ACSM3: variants seen among roughly 807,000 people sequenced by gnomAD.
ACSM3 encodes acyl-coenzyme A synthetase ACSM3, mitochondrial.
In ACSM3, 61 loss-of-function variants were observed where a neutral mutation model predicts 74.1. The observed-to-expected ratio is 0.82, with a 90% CI of 0.67 to 1.02. The LOEUF (loss-of-function observed/expected upper bound fraction) is 1.02, where lower values mean the gene tolerates loss of function less well. ACSM3 is among the 50% of genes least tolerant of loss of function. The pLI is 0.00. For missense variants in ACSM3, 660 were observed against 697.0 expected, an observed-to-expected ratio of 0.95 and a Z score of 0.60; for synonymous variants, 213 against 241.5, an observed-to-expected ratio of 0.88 and a Z score of 1.09.
chr16:20,738,139 T>G (rs9788809), intron 1 of ACSM3: 2 of 702,102 alleles, frequency 2.8e-6, no homozygotes, highest in East Asian at 5.5e-5. Context: ...CGTACTATAA[T>G]GTATCTAATA....
At chr16:20,749,298 T>C (rs1385594785) in intron 1 of ACSM3, 1 of 152,208 alleles carries the variant, frequency 6.6e-6, no homozygotes, top group Non-Finnish European at 1.5e-5. Context: ...ACTAAACCTC[T>C]GATTTTTGCA....
chr16:20,792,619 C>T (rs2080627865), intron 12 of ACSM3: 1 of 985,350 alleles, frequency 1.0e-6, no homozygotes, highest in South Asian at 4.7e-5. Context: ...ATGCCAGTAA[C>T]CCAGGCTCAC....
At chr16:20,688,479 C>A (rs969183014) in intron 1 of ACSM3, among the ~76,000 whole-genome samples, 1 of 151,964 alleles carries the variant, frequency 6.6e-6, no homozygotes, top group Admixed American at 6.6e-5. Flanking sequence ...TAGAATAAAT[C>A]CAAGGAGGAC....
At chr16:20,717,953 A>AGAGGAAGAG (rs2079769213) in intron 1 of ACSM3, among the ~76,000 whole-genome samples, 2 of 103,214 alleles carry the variant, frequency 1.9e-5, no homozygotes, top group African/African-American at 3.7e-5. Context: ...AGGAAGAGGA[A>AGAGGAAGAG]GAGGAAGAAG....
At chr16:20,701,788 C>G (rs1829281708) in intron 1 of ACSM3, among the ~76,000 whole-genome samples, 2 of 152,160 alleles carry the variant, frequency 1.3e-5, no homozygotes, top group African/African-American at 2.4e-5. Context: ...TGAGAACATG[C>G]AGTGTTTGGT....
intron 1 of ACSM3, among the ~76,000 whole-genome samples, chr16:20,749,020 A>AAT (rs2079970227): frequency 2.0e-5 from 3 of 152,140 alleles, no homozygotes; most frequent in Admixed American, 6.5e-5. Context: ...TCTATGAGCC[A>AAT]TTGCACTCTA....
At chr16:20,690,226 C>T (rs1048678970) in intron 1 of ACSM3, among the ~76,000 whole-genome samples, 7 of 152,186 alleles carry the variant, frequency 4.6e-5, no homozygotes, top group Non-Finnish European at 8.8e-5. Context: ...CAGGGGGATT[C>T]TCTCTTCTGT....
At chr16:20,745,140 T>C (rs763842731) in intron 1 of ACSM3, among the ~76,000 whole-genome samples, 8 of 152,218 alleles carry the variant, frequency 5.3e-5, no homozygotes, top group Non-Finnish European at 8.8e-5. Context: ...ATTATTCTTC[T>C]TTGTTCTTTT....
At chr16:20,782,601 T>C (rs2080377046) in intron 7 of ACSM3, among the ~76,000 whole-genome samples, 2 of 152,210 alleles carry the variant, frequency 1.3e-5, no homozygotes, top group Admixed American at 1.3e-4. Flanking sequence ...AGTCTGACAT[T>C]ATCTCCGTGG....
intron 2 of ACSM3, among the ~76,000 whole-genome samples, chr16:20,751,083 C>T (rs1303905980): frequency 1.3e-5 from 2 of 152,092 alleles, no homozygotes; most frequent in African/African-American, 4.8e-5. Flanking sequence ...GCCTCAGTCT[C>T]CCAAAGTGCT....
chr16:20,695,246 A>G (rs2079683090), intron 1 of ACSM3, among the ~76,000 whole-genome samples: 1 of 152,152 alleles, frequency 6.6e-6, no homozygotes, highest in Non-Finnish European at 1.5e-5. Context: ...TCCCACCCAC[A>G]TAACTTGGGG....
chr16:20,746,661 ACT>A (rs1160207712), intron 1 of ACSM3, among the ~76,000 whole-genome samples: 1 of 152,154 alleles, frequency 6.6e-6, no homozygotes, highest in African/African-American at 2.4e-5. Context: ...TGTGTGAGAA[ACT>A]CACCCAACAG....
intron 1 of ACSM3, chr16:20,741,476 A>AGCCG (rs2079921488): frequency 3.6e-6 from 5 of 1,388,840 alleles, no homozygotes; most frequent in Non-Finnish European, 4.8e-6. Flanking sequence ...AAGGCCTGGC[A>AGCCG]GCCGGCCCGC....
At chr16:20,779,047 G>A (rs1000342212) in intron 4 of ACSM3, among the ~76,000 whole-genome samples, 8 of 152,032 alleles carry the variant, frequency 5.3e-5, no homozygotes, top group African/African-American at 9.7e-5. Context: ...CACTGCGCCC[G>A]GCCTATAGAT....
chr16:20,790,479 G>GTT lies in ACSM3; in HGVS notation c.1225-107_1225-106insTT. ...CTCACACACACAAAATTTTTTTTAA[G>GTT]TCTTCATTTTTAAATGGCAAAAGCC... On this transcript the variant is annotated intron_variant, in intron 9 of 13. Transcript: ENST00000289416. This position sits in a 1 kb window ranked among gnomAD's most constrained non-coding sequence, Gnocchi z 4.0. 1 of 1,121,472 alleles carries GTT rather than the reference G, an allele frequency of 8.9e-7. No homozygotes were observed. Among genetic ancestry groups the GTT allele is most frequent in the Non-Finnish European group, 1.3e-6 (1 of 781,416 alleles). 69.5% of individuals were successfully genotyped at this position (1,121,472 alleles called of 1,614,324 possible). A position where few individuals can be genotyped will look rare whatever the true frequency, so the allele number is the denominator to read the frequency against.
chr16:20,744,905 T>C (rs945956036), intron 1 of ACSM3, among the ~76,000 whole-genome samples: 15 of 152,264 alleles, frequency 9.9e-5, no homozygotes, highest in African/African-American at 3.6e-4. Flanking sequence ...AAATTTAATT[T>C]GTCTAAAGTT....
At chr16:20,786,987 C>A (rs2080488208) in intron 9 of ACSM3, among the ~76,000 whole-genome samples, 1 of 152,206 alleles carries the variant, frequency 6.6e-6, no homozygotes. Context: ...TGCTCCCAAG[C>A]CTGCCTGGCC....
chr16:20,737,728 T>A (rs746253498), intron 1 of ACSM3: 2 of 1,611,244 alleles, frequency 1.2e-6, no homozygotes, highest in African/African-American at 1.3e-5. Context: ...TCTGATAACT[T>A]CTTCTCTATT....
intron 1 of ACSM3, among the ~76,000 whole-genome samples, chr16:20,747,235 CA>C (rs1232483943): frequency 6.6e-6 from 1 of 152,140 alleles, no homozygotes; most frequent in African/African-American, 2.4e-5. Flanking sequence ...ATGAGAAAAA[CA>C]AGTTTTTCTT....
Sources: allele counts gnomAD v4.1 joint callset (sites outside exome capture counted in the v4.1 genomes callset), GRCh38; gene constraint gnomAD v4.1.1; non-coding constraint Gnocchi (gnomAD v3.1); transcripts MANE v1.5; gene names NCBI Gene and HGNC (gene_info 2026-07-23, HGNC 2026-07-21).